MS4A18: variants seen among roughly 807,000 people sequenced by gnomAD.
MS4A18 encodes membrane-spanning 4-domains subfamily A member 18.
A neutral mutation model predicts 13.1 loss-of-function variants in MS4A18; 27 were observed. That is an observed-to-expected ratio of 2.06 (90% CI 1.52 to 2.84). The LOEUF (loss-of-function observed/expected upper bound fraction) is 2.84, where lower values mean the gene tolerates loss of function less well. Among genes scored for constraint, MS4A18 ranks in the 30% most tolerant of loss-of-function variants. The pLI, the probability that MS4A18 is intolerant of heterozygous loss-of-function variation, is 0.00. For synonymous variants in MS4A18, 126 were observed against 76.5 expected (o/e 1.65, Z -3.38); for missense variants, 307 against 196.4 (o/e 1.56, Z -3.37).
intron 1 of MS4A18, among the ~76,000 whole-genome samples, chr11:60,731,752 T>A (rs919029790): frequency 6.6e-6 from 1 of 152,248 alleles, no homozygotes; most frequent in African/African-American, 2.4e-5. Flanking sequence ...ATTCATTTGA[T>A]GAATCCAGTG....
intron 1 of MS4A18, among the ~76,000 whole-genome samples, chr11:60,732,610 A>T (rs1014401836): frequency 5.9e-5 from 9 of 151,530 alleles, no homozygotes; most frequent in African/African-American, 2.2e-4. Context: ...AGGCACATGT[A>T]TTCCCAGCTA....
chr11:60,725,783 C>T (rs1357151531), upstream of MS4A18, among the ~76,000 whole-genome samples: 3 of 152,126 alleles, frequency 2.0e-5, no homozygotes, highest in East Asian at 5.8e-4. Context: ...ATGGTCAAGG[C>T]ACTTAACCTC....
chr11:60,743,950 A>G (rs1441751137), exon 6 of MS4A18: 3 of 702,986 alleles, frequency 4.3e-6, no homozygotes, highest in Admixed American at 4.0e-5. Context: ...TGTCAATGCT[A>G]TCCACACCAG....
chr11:60,725,903 AGTT>A (rs1396707108), upstream of MS4A18, among the ~76,000 whole-genome samples: 2 of 152,138 alleles, frequency 1.3e-5, no homozygotes, highest in Non-Finnish European at 2.9e-5. Flanking sequence ...AGGATGCTGT[AGTT>A]GTTATTCTAA....
upstream of MS4A18, among the ~76,000 whole-genome samples, chr11:60,725,257 G>A (rs370264329): frequency 1.9e-4 from 29 of 152,108 alleles, no homozygotes; most frequent in African/African-American, 6.3e-4. Context: ...GCAGTGGCGC[G>A]ATCTCGGCTC....
At chr11:60,729,551 G>A in exon 1 of MS4A18, 2 of 702,696 alleles carry the variant, frequency 2.8e-6, no homozygotes, top group East Asian at 5.4e-5. Flanking sequence ...CAACCCATTG[G>A]GTATCAGCGA....
intron 3 of MS4A18, among the ~76,000 whole-genome samples, chr11:60,737,557 C>A (rs1853360039): frequency 6.6e-6 from 1 of 152,178 alleles, no homozygotes; most frequent in South Asian, 2.1e-4. Context: ...AAGTCCCAAC[C>A]AGGAGCACAG....
At chr11:60,741,261 G>A in intron 5 of MS4A18, 118 bp downstream of exon 6, 1 of 681,658 alleles carries the variant, frequency 1.5e-6, no homozygotes, top group Non-Finnish European at 2.7e-6. Flanking sequence ...TATCAGTTAA[G>A]TTTTGCTGCA....
rs930208802 is a variant in MS4A18 at position 60,738,801 on chromosome 11, G to T, written c.649-101G>T. 2.4e-5 allele frequency: 15 copies of T among 631,686 alleles called. No individual in the cohort carries two copies. The African/African-American group carries it at 2.6e-4, about 11-fold the overall frequency. 39.1% of individuals were successfully genotyped at this position (631,686 alleles called of 1,614,324 possible). ...CACCCTGCCTGGCCAACTCTTTTCT[G>T]CCCTGCCTTCTCTCTTCTCCGACTT... On this transcript the variant is annotated intron_variant, in intron 3 of 5. Coordinates refer to ENST00000529108, the Ensembl canonical transcript of MS4A18.
At chr11:60,742,869 T>G (rs1853429787) in intron 5 of MS4A18, among the ~76,000 whole-genome samples, 1 of 152,246 alleles carries the variant, frequency 6.6e-6, no homozygotes, top group South Asian at 2.1e-4. Flanking sequence ...TTATTCTGCC[T>G]GATGATCTCC....
At chr11:60,729,439 A>C (rs1185015445) in exon 1 of MS4A18, 2 of 702,806 alleles carry the variant, frequency 2.8e-6, no homozygotes, top group Admixed American at 4.0e-5. Flanking sequence ...AGAGGTGACC[A>C]CTTACCCAAT....
chr11:60,743,332 C>T (rs1853434418), intron 5 of MS4A18, among the ~76,000 whole-genome samples: 1 of 152,238 alleles, frequency 6.6e-6, no homozygotes, highest in African/African-American at 2.4e-5. Flanking sequence ...GGCAGTCCCA[C>T]ATGGGTGTCT....
intron 1 of MS4A18, among the ~76,000 whole-genome samples, chr11:60,731,401 C>G (rs1332300725): frequency 6.6e-6 from 1 of 152,182 alleles, no homozygotes; most frequent in Non-Finnish European, 1.5e-5. Context: ...TGCAGACTAT[C>G]TTTAATCAAT....
At chr11:60,744,687 C>T (rs1378319825), downstream of MS4A18, among the ~76,000 whole-genome samples, 5 of 152,048 alleles carry the variant, frequency 3.3e-5, no homozygotes, top group East Asian at 9.6e-4. Flanking sequence ...AAAATCTAAT[C>T]ACAAAATGGA....
exon 6 of MS4A18, chr11:60,744,070 T>C (rs1853450825): frequency 1.5e-6 from 1 of 648,522 alleles, no homozygotes; most frequent in Non-Finnish European, 2.8e-6. Context: ...GTATCTTTTC[T>C]TCTCCCTGAA....
rs1360230737 is a variant in MS4A18, at chr11:60,743,640, T to G, written c.859-10T>G. 1.4e-6 allele frequency: 1 copy of G among 701,710 alleles called. No homozygotes were observed. The highest frequency in any genetic ancestry group is 1.5e-5 in the South Asian group (1 of 67,422). 43.5% of individuals were successfully genotyped at this position (701,710 alleles called of 1,614,324 possible). On this transcript the variant is annotated splice_polypyrimidine_tract_variant and intron_variant, in intron 5 of 5. Coordinates refer to ENST00000529108, the Ensembl canonical transcript of MS4A18. ...AGGAAGATGACGACCACATGTCCTT[T>G]GTCTTTCAGAATGTGGCAGTGATTC...
rs572833650 is a variant in MS4A18, at chr11:60,743,613, A to G, written c.859-37A>G. The G allele has an allele frequency of 2.6e-4, 179 of 693,464 alleles. No homozygotes were observed. In the East Asian group the frequency reaches 4.7e-3, roughly 18 times the overall value. 43.0% of individuals were successfully genotyped at this position (693,464 alleles called of 1,614,324 possible). On this transcript the variant is annotated intron_variant, in intron 5 of 5. Transcript: ENST00000529108. ...TATGGCCATTGTTGTTGTTTACTAC[A>G]GAGGAAGATGACGACCACATGTCCT...
At chr11:60,739,137 C>T in intron 4 of MS4A18, 140 bp downstream of exon 5, 1 of 616,872 alleles carries the variant, frequency 1.6e-6, no homozygotes, top group Non-Finnish European at 2.9e-6. Flanking sequence ...ATTTAACCGT[C>T]ACCAAAACCC....
chr11:60,725,187 T>G (rs778991332), upstream of MS4A18, among the ~76,000 whole-genome samples: 2 of 152,140 alleles, frequency 1.3e-5, no homozygotes, highest in Non-Finnish European at 2.9e-5. Context: ...ATGGAACCAC[T>G]CTTTTTTTTC....
Sources: gnomAD v4.1 joint callset for allele counts (sites outside exome capture counted in the v4.1 genomes callset) on GRCh38, gnomAD v4.1.1 for gene constraint, MANE v1.5 for transcripts, NCBI Gene and HGNC (gene_info 2026-07-23, HGNC 2026-07-21) for gene names.